Variants in PRR16 observed in about 807,000 individuals in gnomAD.
The protein encoded by PRR16 is protein Largen.
In PRR16, 6 loss-of-function variants were observed where a neutral mutation model predicts 18.2. The ratio of observed to expected loss-of-function variants is 0.33; its 90% CI spans 0.18 to 0.65. The LOEUF (loss-of-function observed/expected upper bound fraction) is 0.65. Ranked by LOEUF, PRR16 falls within the 30% of genes least tolerant of loss-of-function variation. PRR16 has a pLI of 0.74. For synonymous variants in PRR16, 151 were observed against 147.8 expected (o/e 1.02, Z -0.16); for missense variants, 412 against 376.6 (o/e 1.09, Z -0.78).
intron 1 of PRR16, among the ~76,000 whole-genome samples, chr5:120,628,728 A>G (rs1014948073): frequency 2.7e-4 from 41 of 151,296 alleles, no homozygotes; most frequent in Middle Eastern, 3.4e-3. Flanking sequence ...CTATCTATCT[A>G]TCTATCTATC....
chr5:120,690,690 T>A (rs902281793), downstream of PRR16, among the ~76,000 whole-genome samples: 22 of 152,232 alleles, frequency 1.4e-4, no homozygotes, highest in African/African-American at 4.8e-4. Context: ...CATTTTGGAG[T>A]CTTCGAATTC....
chr5:120,679,133 C>T (rs1756897310), intron 1 of PRR16, among the ~76,000 whole-genome samples: 2 of 152,264 alleles, frequency 1.3e-5, no homozygotes, highest in African/African-American at 4.8e-5. Context: ...TTGTCAAACA[C>T]AACATCTGCC....
At chr5:120,541,427 T>C (rs1580704613) in intron 1 of PRR16, among the ~76,000 whole-genome samples, 1 of 152,340 alleles carries the variant, frequency 6.6e-6, no homozygotes, top group African/African-American at 2.4e-5. Flanking sequence ...ATTACAGGCG[T>C]GAGCCACTGT....
chr5:120,661,689 T>A (rs1027162730), intron 1 of PRR16, among the ~76,000 whole-genome samples: 5 of 152,016 alleles, frequency 3.3e-5, no homozygotes, highest in Non-Finnish European at 5.9e-5. Flanking sequence ...TCCAGAACAC[T>A]CTACTCTGTC....
chr5:120,563,919 T>C (rs926907796), intron 1 of PRR16, among the ~76,000 whole-genome samples: 17 of 152,102 alleles, frequency 1.1e-4, no homozygotes, highest in African/African-American at 3.9e-4. Flanking sequence ...ACTAAACGGG[T>C]ATTACTCCTG....
intron 1 of PRR16, among the ~76,000 whole-genome samples, chr5:120,515,895 T>G (rs1750973523): frequency 6.6e-6 from 1 of 152,242 alleles, no homozygotes; most frequent in South Asian, 2.1e-4. Context: ...TATATTATGT[T>G]GATAGAATTT....
At chr5:120,624,878 A>G (rs538408452) in intron 1 of PRR16, among the ~76,000 whole-genome samples, 43 of 152,152 alleles carry the variant, frequency 2.8e-4, no homozygotes, top group African/African-American at 1.0e-3. Flanking sequence ...TGTTCTCGTG[A>G]TAATGAATAA....
Position 120,686,839 on chromosome 5 carries a change from A to C in PRR16, c.*130A>C. On this transcript the variant is annotated 3_prime_UTR_variant, in exon 2 of 2. Coordinates refer to ENST00000407149, the MANE Select transcript of PRR16 (RefSeq NM_001300783.2). ...CCTGCATTCAGCAAAGTGGCATAAA[A>C]ATCACCTGGTAAGTATGCAGCACAT... 4 of 693,782 alleles carry C rather than the reference A, an allele frequency of 5.8e-6. No homozygotes were observed. Among genetic ancestry groups the C allele is most frequent in the Non-Finnish European group, 4.2e-6 (2 of 470,594 alleles). The allele number at this position is 693,782 out of a possible 1,614,324, so 43.0% of individuals were successfully genotyped here. A position where few individuals can be genotyped will look rare whatever the true frequency, so the allele number is the denominator to read the frequency against.
At chr5:120,582,857 A>C (rs540598127) in intron 1 of PRR16, among the ~76,000 whole-genome samples, 69 of 152,364 alleles carry the variant, frequency 4.5e-4, no homozygotes, top group African/African-American at 1.7e-3. Context: ...ATCTACATTG[A>C]TTATTTATTG....
the PRR16 span, among the ~76,000 whole-genome samples, chr5:120,754,181 AT>A: frequency 8.8e-4 from 102 of 116,186 alleles, 1 homozygote; most frequent in Non-Finnish European, 1.4e-3. Flanking sequence ...AAATATAAAT[AT>A]ATAATATATA....
intron 1 of PRR16, among the ~76,000 whole-genome samples, chr5:120,592,273 A>G (rs1156784713): frequency 4.6e-5 from 7 of 152,176 alleles, no homozygotes; most frequent in African/African-American, 7.2e-5. Flanking sequence ...ACTTATTAAC[A>G]TGGAAAATAT....
At chr5:120,710,743 C>T in the PRR16 span, 1 of 152,168 alleles carries the variant, frequency 6.6e-6, no homozygotes, top group Non-Finnish European at 1.5e-5. Context: ...TATCAGACTT[C>T]AAGTCATCAT....
At chr5:120,693,584 G>A in the PRR16 span, among the ~76,000 whole-genome samples, 6 of 152,270 alleles carry the variant, frequency 3.9e-5, no homozygotes, top group South Asian at 2.1e-4. Context: ...TCTTTGTATA[G>A]GTCAGAAACG....
At chr5:120,699,817 G>A in the PRR16 span, among the ~76,000 whole-genome samples, 2 of 152,210 alleles carry the variant, frequency 1.3e-5, no homozygotes, top group Non-Finnish European at 2.9e-5. Context: ...TTTGTAGAAG[G>A]TGCTGGGGTT....
At chr5:120,687,664 G>C (rs1431082475), downstream of PRR16, among the ~76,000 whole-genome samples, 1 of 152,166 alleles carries the variant, frequency 6.6e-6, no homozygotes, top group African/African-American at 2.4e-5. Flanking sequence ...ACATTTATAG[G>C]AGAATTATAG....
chr5:120,668,922 G>A (rs778080752), intron 1 of PRR16, among the ~76,000 whole-genome samples: 5 of 151,952 alleles, frequency 3.3e-5, no homozygotes, highest in East Asian at 1.9e-4. Flanking sequence ...GGAATAACGC[G>A]TCCGCATCAA....
chr5:120,690,684 T>C (rs899688563), downstream of PRR16, among the ~76,000 whole-genome samples: 1 of 152,200 alleles, frequency 6.6e-6, no homozygotes, highest in Non-Finnish European at 1.5e-5. Context: ...AGTAAACATT[T>C]TGGAGTCTTC....
rs753140185 is a variant in PRR16 at position 120,686,175 on chromosome 5, A to G, written c.381A>G (p.Pro127=). 6.2e-7 allele frequency: 1 copy of G among 1,614,058 alleles called. No individual in the cohort carries two copies. Among genetic ancestry groups the G allele is most frequent in the East Asian group, 2.2e-5 (1 of 44,868 alleles). ...LRKPNPPPPP[P]RLTPVKCEDP... is the part of the protein sequence containing the mutation. ...AGCCAAACCCTCCACCACCTCCTCC[A>G]AGGTTGACACCTGTGAAGTGTGAAG... The change falls in exon 2 of 2, where the codon CCA becomes CCG. Residue 127 remains proline (P), a synonymous_variant. Transcript: ENST00000407149.
At chr5:120,722,678 G>A in the PRR16 span, among the ~76,000 whole-genome samples, 1 of 152,128 alleles carries the variant, frequency 6.6e-6, no homozygotes, top group East Asian at 1.9e-4. Context: ...ACTAACCTGA[G>A]CAGTGTATCA....
Sources: gnomAD v4.1 joint callset for allele counts (sites outside exome capture counted in the v4.1 genomes callset) on GRCh38, gnomAD v4.1.1 for gene constraint, MANE v1.5 for transcripts, NCBI Gene and HGNC (gene_info 2026-07-23, HGNC 2026-07-21) for gene names.